The following TRIOBP variants were observed in gnomAD, a reference collection of about 807,000 sequenced individuals.
The protein encoded by TRIOBP is TRIO and F-actin-binding protein.
In TRIOBP, 169 loss-of-function variants were observed where a neutral mutation model predicts 238.8. The ratio of observed to expected loss-of-function variants is 0.71; its 90% CI spans 0.62 to 0.80. The LOEUF is 0.80. Among genes scored for constraint, TRIOBP ranks in the 30% least tolerant of loss-of-function variants. The pLI, the probability that TRIOBP is intolerant of heterozygous loss-of-function variation, is 0.00. For synonymous variants in TRIOBP, 1,150 were observed against 1,274.4 expected, an observed-to-expected ratio of 0.90 and a Z score of 2.08; for missense variants, 2,838 against 3,122.6, an observed-to-expected ratio of 0.91 and a Z score of 2.17.
At chr22:37,757,140 G>A (rs754668175) in intron 15 of TRIOBP, among the ~76,000 whole-genome samples, 3 of 152,080 alleles carry the variant, frequency 2.0e-5, no homozygotes, top group African/African-American at 4.8e-5. Context: ...GGTGGGAGGA[G>A]CACGTGAGCC....
At chr22:37,771,064 C>T (rs1278574606) in intron 21 of TRIOBP, among the ~76,000 whole-genome samples, 1 of 152,216 alleles carries the variant, frequency 6.6e-6, no homozygotes, top group Non-Finnish European at 1.5e-5. Context: ...TGTCTGTTAA[C>T]TCATCTAATC....
At chr22:37,733,957 G>A (rs570956636) in intron 8 of TRIOBP, among the ~76,000 whole-genome samples, 2 of 152,338 alleles carry the variant, frequency 1.3e-5, no homozygotes, top group African/African-American at 4.8e-5. Context: ...GTGAACCACG[G>A]CACCTGGCCA....
intron 6 of TRIOBP, among the ~76,000 whole-genome samples, chr22:37,722,610 C>T (rs1317172919): frequency 6.6e-6 from 1 of 151,852 alleles, no homozygotes; most frequent in Non-Finnish European, 1.5e-5. Context: ...GCCTGTAATC[C>T]CAGCTACTCG....
chr22:37,700,301 A>G (rs774638600), intron 2 of TRIOBP, among the ~76,000 whole-genome samples: 59 of 133,554 alleles, frequency 4.4e-4, no homozygotes, highest in African/African-American at 1.3e-3. Flanking sequence ...TGGTCTTGCT[A>G]TGTTGCCTAG....
At chr22:37,721,801 G>A (rs941891951) in intron 6 of TRIOBP, among the ~76,000 whole-genome samples, 9 of 152,178 alleles carry the variant, frequency 5.9e-5, no homozygotes, top group African/African-American at 2.2e-4. Flanking sequence ...TTTAAGATGA[G>A]GCCATGATAC....
intron 11 of TRIOBP, chr22:37,751,387 C>G: frequency 1.1e-5 from 4 of 357,186 alleles, no homozygotes; most frequent in Non-Finnish European, 1.1e-5. Flanking sequence ...CTGGACAGTT[C>G]GCGCAGTGCT....
chr22:37,700,402 C>A (rs56170747), intron 2 of TRIOBP, among the ~76,000 whole-genome samples: 1 of 151,626 alleles, frequency 6.6e-6, no homozygotes, highest in African/African-American at 2.4e-5. Flanking sequence ...CTCTGCCTCC[C>A]GAGTAGCTTG....
At chr22:37,703,064 C>T (rs1178637467) in intron 3 of TRIOBP, among the ~76,000 whole-genome samples, 2 of 151,786 alleles carry the variant, frequency 1.3e-5, no homozygotes, top group East Asian at 3.9e-4. Flanking sequence ...GGCTCAATCT[C>T]AGCTCACTGC....
chr22:37,752,889 C>A (rs1260895967), intron 12 of TRIOBP, among the ~76,000 whole-genome samples: 4 of 152,206 alleles, frequency 2.6e-5, no homozygotes, highest in Admixed American at 2.6e-4. Flanking sequence ...AGACAGGAGA[C>A]GGGCCCATGA....
At chr22:37,761,265 G>A (rs975590590) in intron 17 of TRIOBP, among the ~76,000 whole-genome samples, 19 of 152,050 alleles carry the variant, frequency 1.2e-4, no homozygotes, top group Admixed American at 6.6e-4. Context: ...TGGCCAGAGT[G>A]GTGAAACCCT....
intron 3 of TRIOBP, among the ~76,000 whole-genome samples, chr22:37,706,340 G>A (rs996147791): frequency 5.3e-5 from 8 of 152,128 alleles, no homozygotes; most frequent in Non-Finnish European, 8.8e-5. Flanking sequence ...TCTTGCTCAC[G>A]GATGAGCCTA....
intron 11 of TRIOBP, 79 bp from the exon 12 acceptor site, chr22:37,751,693 G>T: frequency 1.3e-6 from 2 of 1,514,070 alleles, no homozygotes; most frequent in South Asian, 2.3e-5. Flanking sequence ...GGGACAGGGT[G>T]GGTGCAGCAC....
intron 5 of TRIOBP, among the ~76,000 whole-genome samples, chr22:37,714,695 G>T (rs1005535598): frequency 6.6e-6 from 1 of 152,042 alleles, no homozygotes; most frequent in Non-Finnish European, 1.5e-5. Context: ...TTGATTGATT[G>T]AGACAGGGTC....
intron 4 of TRIOBP, 146 bp downstream of exon 4, chr22:37,710,712 G>T: frequency 8.8e-7 from 1 of 1,137,194 alleles, no homozygotes; most frequent in South Asian, 1.6e-5. Flanking sequence ...CTAGGCACAG[G>T]TGGGTGGTGG....
intron 17 of TRIOBP, among the ~76,000 whole-genome samples, chr22:37,760,881 G>C (rs1275346940): frequency 1.3e-5 from 2 of 151,700 alleles, no homozygotes; most frequent in Non-Finnish European, 2.9e-5. Context: ...CTGAGGCAGG[G>C]GACCCACTGG....
At chr22:37,746,552 G>A (rs1239919183) in intron 11 of TRIOBP, 8 of 823,432 alleles carry the variant, frequency 9.7e-6, no homozygotes, top group Non-Finnish European at 1.2e-5. Context: ...TGGGCCGGAA[G>A]ACGGGGCCAC....
In TRIOBP at chr22:37,715,621, G is replaced by T. The variant is rs1490966090; in HGVS notation, c.457-142G>T. 1.3e-5 allele frequency: 12 copies of T among 922,492 alleles called. No individual in the cohort carries two copies. In the Admixed American group the frequency reaches 2.4e-4, roughly 19 times the overall value. The allele number at this position is 922,492 out of a possible 1,614,324, so 57.1% of individuals were successfully genotyped here. A position where few individuals can be genotyped will look rare whatever the true frequency, so the allele number is the denominator to read the frequency against. ...TCCTCCCAAAGTGCTGGGATTGCAGGCGTGAGCCACAGCGCCTGGCCAGGG... is the reference window on the plus strand; with the variant it reads ...TCCTCCCAAAGTGCTGGGATTGCAGTCGTGAGCCACAGCGCCTGGCCAGGG... On this transcript the variant is annotated intron_variant, in intron 5 of 23. Transcript: ENST00000644935.
chr22:37,770,077 T>A (rs570876139), intron 21 of TRIOBP, among the ~76,000 whole-genome samples: 98 of 149,176 alleles, frequency 6.6e-4, no homozygotes, highest in African/African-American at 2.2e-3. Context: ...AGAGTTTTGC[T>A]GTTGTTGCCC....
chr22:37,756,792 C>T (rs951211390), intron 15 of TRIOBP, among the ~76,000 whole-genome samples: 1 of 152,106 alleles, frequency 6.6e-6, no homozygotes, highest in Admixed American at 6.5e-5. Flanking sequence ...CCAGCTATGA[C>T]TGTGGATAAA....
Sources: allele counts gnomAD v4.1 joint callset (sites outside exome capture counted in the v4.1 genomes callset), GRCh38; gene constraint gnomAD v4.1.1; transcripts MANE v1.5; gene names NCBI Gene and HGNC (gene_info 2026-07-23, HGNC 2026-07-21).